ACBD6: variants seen among roughly 807,000 people sequenced by gnomAD.
The protein encoded by ACBD6 is acyl-CoA binding domain containing 6, also known as acyl-CoA-binding domain-containing protein 6.
A neutral mutation model predicts 37.2 loss-of-function variants in ACBD6; 28 were observed. The observed-to-expected ratio is 0.75, with a 90% confidence interval of 0.56 to 1.03. The LOEUF (loss-of-function observed/expected upper bound fraction) is 1.03, where lower values mean the gene tolerates loss of function less well. Ranked by LOEUF, ACBD6 falls within the 50% of genes least tolerant of loss-of-function variation. The pLI is 0.00. For synonymous variants in ACBD6, 113 were observed against 126.8 expected, an observed-to-expected ratio of 0.89 and a Z score of 0.73; for missense variants, 340 against 337.4, an observed-to-expected ratio of 1.01 and a Z score of -0.06.
downstream of ACBD6, among the ~76,000 whole-genome samples, chr1:180,286,818 G>A (rs1001700196): frequency 1.3e-5 from 2 of 152,148 alleles, no homozygotes; most frequent in Non-Finnish European, 2.9e-5. Context: ...GCACTAATAT[G>A]CCTCATTTCT....
intron 6 of ACBD6, among the ~76,000 whole-genome samples, chr1:180,350,005 C>A (rs989621337): frequency 5.5e-5 from 8 of 144,508 alleles, no homozygotes; most frequent in Admixed American, 1.4e-4. Context: ...AAAGGTGTTT[C>A]AGTCCTCTCC....
intron 4 of ACBD6, among the ~76,000 whole-genome samples, chr1:180,429,923 A>G (rs573617423): frequency 2.0e-5 from 3 of 152,288 alleles, no homozygotes; most frequent in Non-Finnish European, 2.9e-5. Context: ...ACTTATTCAG[A>G]CTTATCTGGC....
chr1:180,359,866 G>A (rs930179811), intron 6 of ACBD6, among the ~76,000 whole-genome samples: 1 of 152,058 alleles, frequency 6.6e-6, no homozygotes, highest in Non-Finnish European at 1.5e-5. Context: ...CTAGACTCTA[G>A]AGAAGACCAT....
At chr1:180,281,571 G>A (rs1281782458) in intron 8 of ACBD6, among the ~76,000 whole-genome samples, 1 of 152,208 alleles carries the variant, frequency 6.6e-6, no homozygotes, top group Admixed American at 6.5e-5. Context: ...TGTGTCCTTT[G>A]CCACACTTGC....
chr1:180,317,917 C>T, intron 6 of ACBD6, among the ~76,000 whole-genome samples: 1 of 152,144 alleles, frequency 6.6e-6, no homozygotes, highest in East Asian at 1.9e-4. Context: ...TGGCTCATGC[C>T]TGTAATCCTG....
intron 7 of ACBD6, among the ~76,000 whole-genome samples, chr1:180,311,321 G>A (rs1463506244): frequency 1.3e-5 from 2 of 152,188 alleles, no homozygotes; most frequent in South Asian, 2.1e-4. Flanking sequence ...AAAGTCTTTC[G>A]TCTCTGATCC....
intron 3 of ACBD6, among the ~76,000 whole-genome samples, chr1:180,433,775 G>A (rs563240786): frequency 6.6e-6 from 1 of 152,190 alleles, no homozygotes; most frequent in African/African-American, 2.4e-5. Flanking sequence ...GAGAATCTAT[G>A]GGACTTTCTC....
chr1:180,472,543 T>G (rs574193524), intron 3 of ACBD6, among the ~76,000 whole-genome samples: 2 of 152,146 alleles, frequency 1.3e-5, no homozygotes, highest in East Asian at 1.9e-4. Context: ...GGGGTGCGGG[T>G]GTGTATATCA....
At chr1:180,483,003 T>C (rs1349738398) in intron 3 of ACBD6, among the ~76,000 whole-genome samples, 1 of 152,188 alleles carries the variant, frequency 6.6e-6, no homozygotes, top group Non-Finnish European at 1.5e-5. Context: ...CCTAAGTCTT[T>C]TTACAAGTTT....
intron 6 of ACBD6, among the ~76,000 whole-genome samples, chr1:180,339,412 T>G (rs1651884179): frequency 6.6e-6 from 1 of 152,252 alleles, no homozygotes; most frequent in Non-Finnish European, 1.5e-5. Context: ...ACCGTCATTC[T>G]CAGCAAACTA....
In ACBD6 at chr1:180,384,562, A is replaced by G. The variant is rs180811722; in HGVS notation, c.663+12954T>C. ...TACATGGTTAGTGAGAATGTAAATT[A>G]GTACAGCCACTATGGGGCAACAGTA... On this transcript the variant is annotated intron_variant, in intron 6 of 7. Coordinates refer to ENST00000367595, the MANE Select transcript of ACBD6 (RefSeq NM_032360.4). 5.5e-3 allele frequency among the ~76,000 whole-genome samples: 832 copies of G among 152,344 alleles called. 7 individuals carry two copies. Among genetic ancestry groups the G allele is most frequent in the African/African-American group, 0.019 (787 of 41,562 alleles).
At chr1:180,477,353 T>A (rs144345861) in intron 3 of ACBD6, among the ~76,000 whole-genome samples, 1 of 152,160 alleles carries the variant, frequency 6.6e-6, no homozygotes, top group Non-Finnish European at 1.5e-5. Flanking sequence ...TACACACATA[T>A]AAGAGCATAC....
chr1:180,421,600 A>T (rs1341126068), intron 4 of ACBD6, among the ~76,000 whole-genome samples: 1 of 152,164 alleles, frequency 6.6e-6, no homozygotes, highest in African/African-American at 2.4e-5. Context: ...TGGTTGAACC[A>T]ATTTGCACTC....
At chr1:180,388,806 TC>T (rs1230889131) in intron 6 of ACBD6, among the ~76,000 whole-genome samples, 1 of 151,314 alleles carries the variant, frequency 6.6e-6, no homozygotes, top group African/African-American at 2.4e-5. Flanking sequence ...GAAAACAATT[TC>T]ATTTATAACA....
chr1:180,446,684 C>T (rs1649489897), intron 3 of ACBD6, among the ~76,000 whole-genome samples: 1 of 152,076 alleles, frequency 6.6e-6, no homozygotes, highest in South Asian at 2.1e-4. Context: ...TGTTTTTAAC[C>T]TGTTTCTCTT....
At chr1:180,411,279 A>G (rs1183313274) in intron 5 of ACBD6, among the ~76,000 whole-genome samples, 2 of 152,266 alleles carry the variant, frequency 1.3e-5, no homozygotes, top group African/African-American at 2.4e-5. Context: ...ACATAAACTC[A>G]GTTGATAAAG....
chr1:180,297,935 G>C (rs937877773), intron 7 of ACBD6, among the ~76,000 whole-genome samples: 1 of 152,090 alleles, frequency 6.6e-6, no homozygotes, highest in Non-Finnish European at 1.5e-5. Flanking sequence ...AGTAGAGGTG[G>C]GGTTTCACCA....
chr1:180,381,559 C>T (rs1299533810), intron 6 of ACBD6, among the ~76,000 whole-genome samples: 1 of 152,082 alleles, frequency 6.6e-6, no homozygotes, highest in African/African-American at 2.4e-5. Context: ...TCAATAACAA[C>T]AGGAACTTTG....
At chr1:180,370,223 G>C (rs1252703003) in intron 6 of ACBD6, among the ~76,000 whole-genome samples, 2 of 152,184 alleles carry the variant, frequency 1.3e-5, no homozygotes, top group Non-Finnish European at 2.9e-5. Context: ...AAAGAGGGGG[G>C]TTTAAAGGGA....
Sources: allele counts gnomAD v4.1 joint callset (sites outside exome capture counted in the v4.1 genomes callset), GRCh38; gene constraint gnomAD v4.1.1; transcripts MANE v1.5; gene names NCBI Gene and HGNC (gene_info 2026-07-23, HGNC 2026-07-21).